APTX: variants seen among roughly 807,000 people sequenced by gnomAD.
APTX encodes the protein aprataxin, also known as forkhead-associated domain histidine triad-like protein.
APTX carries 33 observed loss-of-function variants against 42.3 expected under a neutral mutation model. That is an observed-to-expected ratio of 0.78 (90% CI 0.59 to 1.04). APTX has a LOEUF of 1.04. APTX is among the 50% of genes least tolerant of loss of function. The pLI, the probability that APTX is intolerant of heterozygous loss-of-function variation, is 0.00. For missense variants in APTX, 421 were observed against 415.1 expected, an observed-to-expected ratio of 1.01 and a Z score of -0.12; for synonymous variants, 130 against 146.7, an observed-to-expected ratio of 0.89 and a Z score of 0.82.
At chr9:32,989,679 G>A in intron 2 of APTX, 80 bp downstream of exon 2, 1 of 1,603,978 alleles carries the variant, frequency 6.2e-7, no homozygotes, top group South Asian at 1.1e-5. Flanking sequence ...TTTCCATCAA[G>A]ATCACCCAGA....
At chr9:33,024,441 C>T (rs1167745749) in intron 1 of APTX, among the ~76,000 whole-genome samples, 2 of 152,240 alleles carry the variant, frequency 1.3e-5, no homozygotes, top group Non-Finnish European at 2.9e-5. Context: ...GCAGATTGTA[C>T]ATCCAGGTTC....
intron 1 of APTX, among the ~76,000 whole-genome samples, chr9:32,992,728 G>T (rs1289659665): frequency 6.6e-6 from 1 of 152,248 alleles, no homozygotes; most frequent in Non-Finnish European, 1.5e-5. Flanking sequence ...TAACAGCTGT[G>T]TGTAGGCAGT....
chr9:33,000,639 A>AG (rs1300378546), intron 1 of APTX, among the ~76,000 whole-genome samples: 1 of 142,038 alleles, frequency 7.0e-6, no homozygotes, highest in Non-Finnish European at 1.6e-5. Context: ...AAAAAAAAAA[A>AG]AAAAAAAAGA....
At chr9:32,997,111 C>A (rs767934062) in intron 1 of APTX, 1 of 152,222 alleles carries the variant, frequency 6.6e-6, no homozygotes, top group Non-Finnish European at 1.5e-5. Flanking sequence ...TTTGGCTTCA[C>A]TCATTTGATC....
chr9:32,975,158 T>C (rs1318334105), intron 6 of APTX, among the ~76,000 whole-genome samples: 6 of 151,984 alleles, frequency 3.9e-5, no homozygotes, highest in African/African-American at 1.4e-4. Flanking sequence ...ATGGCCCAAA[T>C]GTATGGCCTG....
At chr9:32,982,718 T>C (rs561926070) in intron 6 of APTX, among the ~76,000 whole-genome samples, 3 of 152,098 alleles carry the variant, frequency 2.0e-5, no homozygotes, top group East Asian at 1.9e-4. Context: ...ACATTCACTG[T>C]AGGAAAAAGG....
upstream of APTX, among the ~76,000 whole-genome samples, chr9:33,002,804 T>C (rs937228712): frequency 6.6e-6 from 1 of 152,212 alleles, no homozygotes; most frequent in African/African-American, 2.4e-5. Context: ...AGTCACATTC[T>C]TCATCAAGGT....
chr9:32,973,431 C>G lies in APTX; in HGVS notation c.*67G>C. On this transcript the variant is annotated 3_prime_UTR_variant, in exon 8 of 8. Transcript: ENST00000379817. ...GAAATGAGTAGAAGTTCACAAGCAA[C>G]CCAGAATAGGTGCCAGCAGTTTGCT... 6.4e-7 allele frequency: 1 copy of G among 1,565,776 alleles called. No homozygotes were observed. The highest frequency in any genetic ancestry group is 8.8e-7 in the Non-Finnish European group (1 of 1,138,336).
chr9:33,011,601 T>A (rs1267606601), intron 1 of APTX, among the ~76,000 whole-genome samples: 1 of 152,190 alleles, frequency 6.6e-6, no homozygotes, highest in Admixed American at 6.5e-5. Flanking sequence ...CCATATTTTT[T>A]AAAAGGTTAC....
chr9:33,001,816 ATC>A (rs1836624700), upstream of APTX, among the ~76,000 whole-genome samples: 1 of 152,170 alleles, frequency 6.6e-6, no homozygotes, highest in African/African-American at 2.4e-5. Context: ...CTCTCTCAGC[ATC>A]TCTCTGCCTG....
At chr9:33,011,606 G>C (rs1282069423) in intron 1 of APTX, among the ~76,000 whole-genome samples, 1 of 152,100 alleles carries the variant, frequency 6.6e-6, no homozygotes, top group African/African-American at 2.4e-5. Flanking sequence ...TTTTTTAAAA[G>C]GTTACTCTAA....
chr9:33,001,653 G>T (rs1304890427), upstream of APTX: 4 of 1,610,298 alleles, frequency 2.5e-6, no homozygotes, highest in East Asian at 6.7e-5. Flanking sequence ...GAGGCCGGCT[G>T]TATCGCGACC....
At chr9:33,015,836 A>G (rs1014909941) in intron 1 of APTX, 1 of 152,210 alleles carries the variant, frequency 6.6e-6, no homozygotes, top group Non-Finnish European at 1.5e-5. Flanking sequence ...AGCTATTTCC[A>G]TGAGAGTTTC....
intron 6 of APTX, among the ~76,000 whole-genome samples, chr9:32,976,811 C>T (rs548638128): frequency 1.3e-5 from 2 of 152,166 alleles, no homozygotes; most frequent in Non-Finnish European, 2.9e-5. Context: ...AAGTACAATA[C>T]ACCTGCACAA....
chr9:32,995,879 C>T (rs1834765213), intron 1 of APTX, among the ~76,000 whole-genome samples: 1 of 143,478 alleles, frequency 7.0e-6, no homozygotes, highest in African/African-American at 2.6e-5. Context: ...CAGAGCGAGT[C>T]TCCGTCTCAA....
rs147306041 is a variant in APTX at position 32,992,150 on chromosome 9, C to T, written c.-4-2255G>A. 1.8e-4 allele frequency among the ~76,000 whole-genome samples: 28 copies of T among 152,272 alleles called. 1 individual carries two copies. The East Asian group carries it at 5.0e-3, about 27-fold the overall frequency. ...TCCAGACTCTTATCAGTGCTCAAGC[C>T]TCTAACATGCCTCTCCCGGAAACCT... On this transcript the variant is annotated intron_variant, in intron 1 of 7. Transcript: ENST00000379817.
chr9:32,981,390 A>G (rs1055050975), intron 6 of APTX, among the ~76,000 whole-genome samples: 3 of 152,186 alleles, frequency 2.0e-5, no homozygotes, highest in Admixed American at 1.3e-4. Context: ...ATACAAATAA[A>G]GGTAGATAAA....
chr9:32,998,456 A>T (rs765392585), intron 1 of APTX, among the ~76,000 whole-genome samples: 3 of 152,232 alleles, frequency 2.0e-5, no homozygotes, highest in Non-Finnish European at 4.4e-5. Flanking sequence ...AATAGCAAAG[A>T]GTTGGAACCA....
intron 1 of APTX, among the ~76,000 whole-genome samples, chr9:32,999,017 T>C (rs532624185): frequency 3.3e-5 from 5 of 152,122 alleles, no homozygotes; most frequent in African/African-American, 4.8e-5. Context: ...GAAAGGCACA[T>C]GGAGAACAGC....
Sources: allele counts gnomAD v4.1 joint callset (sites outside exome capture counted in the v4.1 genomes callset), GRCh38; gene constraint gnomAD v4.1.1; transcripts MANE v1.5; gene names NCBI Gene and HGNC (gene_info 2026-07-23, HGNC 2026-07-21).